Variants in PIP5K1B observed in about 807,000 individuals in gnomAD.
The protein encoded by PIP5K1B is phosphatidylinositol 4-phosphate 5-kinase type-1 beta.
In PIP5K1B, 42 loss-of-function variants were observed where a neutral mutation model predicts 67.0. That is an observed-to-expected ratio of 0.63 (90% CI 0.49 to 0.81). The LOEUF (loss-of-function observed/expected upper bound fraction) is 0.81, where lower values mean the gene tolerates loss of function less well. Ranked by LOEUF, PIP5K1B falls within the 30% of genes least tolerant of loss-of-function variation. The pLI is 0.00. For missense variants in PIP5K1B, 459 were observed against 646.3 expected, an observed-to-expected ratio of 0.71 and a Z score of 3.14; for synonymous variants, 214 against 231.4, an observed-to-expected ratio of 0.92 and a Z score of 0.68.
At chr9:68,879,494 G>A (rs1824064989) in intron 6 of PIP5K1B, among the ~76,000 whole-genome samples, 2 of 152,174 alleles carry the variant, frequency 1.3e-5, no homozygotes, top group African/African-American at 2.4e-5. Context: ...CTTGAACCTG[G>A]AAGGCAGAGG....
At chr9:68,926,347 G>A (rs796230220) in intron 12 of PIP5K1B, among the ~76,000 whole-genome samples, 20 of 152,042 alleles carry the variant, frequency 1.3e-4, no homozygotes, top group South Asian at 1.2e-3. Flanking sequence ...AGATTTTTCC[G>A]GTTTGGATAA....
chr9:68,908,813 C>G (rs1587650675), intron 8 of PIP5K1B, among the ~76,000 whole-genome samples: 1 of 152,248 alleles, frequency 6.6e-6, no homozygotes, highest in East Asian at 1.9e-4. Flanking sequence ...ATCTCCAGGA[C>G]ACTATTTTGA....
At chr9:68,710,402 A>C (rs1827328671) in intron 1 of PIP5K1B, among the ~76,000 whole-genome samples, 1 of 152,156 alleles carries the variant, frequency 6.6e-6, no homozygotes, top group Admixed American at 6.5e-5. Context: ...ATCAACTTTA[A>C]ACTTAATTTA....
chr9:69,007,667 C>T (rs187318313), intron 15 of PIP5K1B, among the ~76,000 whole-genome samples: 38 of 152,244 alleles, frequency 2.5e-4, no homozygotes, highest in Non-Finnish European at 5.0e-4. Context: ...ACCATCCTGG[C>T]TAACACAGTG....
At chr9:68,884,316 C>T (rs1310151653) in intron 6 of PIP5K1B, among the ~76,000 whole-genome samples, 1 of 150,554 alleles carries the variant, frequency 6.6e-6, no homozygotes, top group Non-Finnish European at 1.5e-5. Context: ...AACTAATAAC[C>T]CTATTTAAAA....
At chr9:68,804,211 T>C (rs1357483096) in intron 2 of PIP5K1B, among the ~76,000 whole-genome samples, 1 of 152,150 alleles carries the variant, frequency 6.6e-6, no homozygotes, top group East Asian at 1.9e-4. Context: ...GGAGTTCACA[T>C]GCTCATATTC....
At chr9:68,797,252 A>G (rs1832344083) in intron 2 of PIP5K1B, among the ~76,000 whole-genome samples, 1 of 152,188 alleles carries the variant, frequency 6.6e-6, no homozygotes, top group African/African-American at 2.4e-5. Flanking sequence ...CCAAGATGCT[A>G]CAGGAACCCA....
chr9:68,899,480 A>T (rs2132433021), intron 8 of PIP5K1B, among the ~76,000 whole-genome samples: 1 of 152,326 alleles, frequency 6.6e-6, no homozygotes, highest in Admixed American at 6.5e-5. Flanking sequence ...AAGAGAAAGA[A>T]AGGTTTAGGT....
chr9:68,984,757 C>G (rs1250611999), intron 14 of PIP5K1B, among the ~76,000 whole-genome samples: 1 of 152,236 alleles, frequency 6.6e-6, no homozygotes, highest in African/African-American at 2.4e-5. Flanking sequence ...AAGATCTCCA[C>G]AGCTAACACC....
chr9:68,707,156 T>C (rs1373510445), intron 1 of PIP5K1B, among the ~76,000 whole-genome samples: 1 of 152,158 alleles, frequency 6.6e-6, no homozygotes, highest in Admixed American at 6.5e-5. Context: ...CAGAGACTTA[T>C]GAGGACTGAT....
intron 2 of PIP5K1B, among the ~76,000 whole-genome samples, chr9:68,746,538 T>G (rs935354096): frequency 5.9e-5 from 9 of 152,172 alleles, no homozygotes; most frequent in African/African-American, 2.2e-4. Context: ...AACAAGAACT[T>G]AGTTTGAGGC....
At chr9:68,767,587 C>A (rs1830491616) in intron 2 of PIP5K1B, among the ~76,000 whole-genome samples, 1 of 105,990 alleles carries the variant, frequency 9.4e-6, no homozygotes. Context: ...GAGCAAGACT[C>A]TGTCTTAAAA....
intron 2 of PIP5K1B, among the ~76,000 whole-genome samples, chr9:68,812,576 T>G (rs1423543794): frequency 6.6e-6 from 1 of 152,266 alleles, no homozygotes; most frequent in African/African-American, 2.4e-5. Flanking sequence ...TGTGTCAGAT[T>G]ACATAGTAAC....
intron 2 of PIP5K1B, among the ~76,000 whole-genome samples, chr9:68,764,485 G>T (rs568496016): frequency 6.6e-6 from 1 of 152,212 alleles, no homozygotes; most frequent in East Asian, 1.9e-4. Flanking sequence ...TTTGTCTCAT[G>T]AAGTTGCTAT....
At chr9:68,832,688 C>G (rs982470923) in intron 4 of PIP5K1B, among the ~76,000 whole-genome samples, 8 of 152,288 alleles carry the variant, frequency 5.3e-5, no homozygotes, top group African/African-American at 1.9e-4. Flanking sequence ...TGCACGTACA[C>G]CCAGACACCC....
chr9:68,756,490 C>G (rs995775604), intron 2 of PIP5K1B, among the ~76,000 whole-genome samples: 4 of 152,154 alleles, frequency 2.6e-5, no homozygotes, highest in African/African-American at 9.7e-5. Context: ...GATAGTATTG[C>G]AGAGAGTAAT....
Position 68,884,758 on chromosome 9 carries a change from A to T in PIP5K1B, c.319-4223A>T, listed in dbSNP as rs116738464. Among the ~76,000 whole-genome samples the T allele has an allele frequency of 6.8e-4, 104 of 152,304 alleles. 1 individual carries two copies. The highest frequency in any genetic ancestry group is 3.4e-3 in the Middle Eastern group (1 of 292). On this transcript the variant is annotated intron_variant, in intron 6 of 15. Coordinates refer to ENST00000265382, the MANE Select transcript of PIP5K1B (RefSeq NM_003558.4). ...TCATGAGAGAAAACCACAATGAAAT[A>T]TCACCTCATACCTGTTAGAATGGCT...
At chr9:68,742,471 G>A (rs1829059927) in intron 1 of PIP5K1B, 30 bp from the exon 2 acceptor site, 2 of 152,162 alleles carry the variant, frequency 1.3e-5, no homozygotes, top group Admixed American at 1.3e-4. Context: ...ATGATTGTTT[G>A]AGGTAGGCAT....
chr9:68,716,501 C>G (rs1428524701), intron 1 of PIP5K1B, among the ~76,000 whole-genome samples: 1 of 152,104 alleles, frequency 6.6e-6, no homozygotes, highest in Admixed American at 6.5e-5. Context: ...TCACTAATCA[C>G]CAGAGAAGTG....
Sources: gnomAD v4.1 joint callset for allele counts (sites outside exome capture counted in the v4.1 genomes callset) on GRCh38, gnomAD v4.1.1 for gene constraint, MANE v1.5 for transcripts, NCBI Gene and HGNC (gene_info 2026-07-23, HGNC 2026-07-21) for gene names.